Variants in NMNAT2 observed in about 807,000 individuals in gnomAD.
The protein encoded by NMNAT2 is nicotinamide nucleotide adenylyltransferase 2, also known as nicotinamide/nicotinic acid mononucleotide adenylyltransferase 2.
NMNAT2 carries 11 observed loss-of-function variants against 41.6 expected under a neutral mutation model. The ratio of observed to expected loss-of-function variants is 0.26; its 90% CI spans 0.17 to 0.44. NMNAT2 has a LOEUF of 0.44. Among genes scored for constraint, NMNAT2 ranks in the 20% least tolerant of loss-of-function variants. The pLI, the probability that NMNAT2 is intolerant of heterozygous loss-of-function variation, is 1.00. For synonymous variants in NMNAT2, 148 were observed against 151.2 expected, an observed-to-expected ratio of 0.98 and a Z score of 0.16; for missense variants, 288 against 407.7, an observed-to-expected ratio of 0.71 and a Z score of 2.53.
intron 1 of NMNAT2, among the ~76,000 whole-genome samples, chr1:183,343,349 G>A (rs1033578417): frequency 2.2e-4 from 34 of 152,148 alleles, no homozygotes; most frequent in Admixed American, 2.2e-3. Context: ...CAACCACAAT[G>A]TTCTCCTCAT....
chr1:183,341,869 G>C (rs150004688), intron 1 of NMNAT2, among the ~76,000 whole-genome samples: 1 of 151,962 alleles, frequency 6.6e-6, no homozygotes, highest in Non-Finnish European at 1.5e-5. Flanking sequence ...TATCAAAGTA[G>C]TTATACTACC....
At chr1:183,305,914 G>T (rs1237171713) in intron 1 of NMNAT2, among the ~76,000 whole-genome samples, 1 of 152,058 alleles carries the variant, frequency 6.6e-6, no homozygotes. Flanking sequence ...TAGAGATGGG[G>T]TTTCACCATG....
intron 1 of NMNAT2, among the ~76,000 whole-genome samples, chr1:183,323,172 T>C (rs1376120454): frequency 1.3e-5 from 2 of 152,172 alleles, no homozygotes; most frequent in African/African-American, 4.8e-5. Flanking sequence ...CCTCAGGTGA[T>C]CCACCCGCCT....
rs928809447 is a variant in NMNAT2 at position 183,250,580 on chromosome 1, A to G, written c.*2061T>C. The G allele has an allele frequency of 5.9e-5, 9 of 152,580 alleles. No homozygotes were observed. Among genetic ancestry groups the G allele is most frequent in the African/African-American group, 1.9e-4 (8 of 41,430 alleles). The allele number at this position is 152,580 out of a possible 1,614,324, so 9.5% of individuals were successfully genotyped here. On this transcript the variant is annotated 3_prime_UTR_variant, in exon 11 of 11. Coordinates refer to ENST00000287713, the MANE Select transcript of NMNAT2 (RefSeq NM_015039.4). The stretch of plus-strand genomic sequence containing the variant: ...AAACAATATGTTCTTGTCAGGCCCT[A>G]CACCTGCTGGCTGACCTGGACCAGC...
intron 1 of NMNAT2, among the ~76,000 whole-genome samples, chr1:183,295,138 A>C (rs946870619): frequency 5.9e-5 from 9 of 151,956 alleles, no homozygotes; most frequent in Admixed American, 3.3e-4. Flanking sequence ...CAAGTAGCTG[A>C]GATTACAGGC....
intron 1 of NMNAT2, among the ~76,000 whole-genome samples, chr1:183,412,466 A>C (rs1263313288): frequency 6.6e-6 from 1 of 152,138 alleles, no homozygotes; most frequent in Non-Finnish European, 1.5e-5. Context: ...CTCATGACCC[A>C]CCTGCCTTGG....
At chr1:183,396,030 G>T (rs1414364775) in intron 1 of NMNAT2, among the ~76,000 whole-genome samples, 2 of 152,086 alleles carry the variant, frequency 1.3e-5, no homozygotes, top group African/African-American at 2.4e-5. Flanking sequence ...TTGTCCATGG[G>T]TCTCTTTGGT....
chr1:183,380,659 G>T (rs1339607617), intron 1 of NMNAT2, among the ~76,000 whole-genome samples: 2 of 152,140 alleles, frequency 1.3e-5, no homozygotes, highest in African/African-American at 4.8e-5. Context: ...ATTTTAAAAA[G>T]TAATATCTCT....
intron 1 of NMNAT2, among the ~76,000 whole-genome samples, chr1:183,394,105 A>C (rs1648564089): frequency 6.6e-6 from 1 of 152,230 alleles, no homozygotes; most frequent in Admixed American, 6.5e-5. Context: ...GCTATGTTTG[A>C]GATGCCCACT....
chr1:183,289,976 T>G (rs1571576542), intron 4 of NMNAT2, 152 bp downstream of exon 4: 6 of 599,744 alleles, frequency 1.0e-5, no homozygotes. Context: ...CACAGGCTGG[T>G]CTCTCTCACA....
chr1:183,417,653 C>T lies in NMNAT2; in HGVS notation c.85+530G>A, dbSNP rs74129795. 9.6e-3 allele frequency among the ~76,000 whole-genome samples: 1,460 copies of T among 152,348 alleles called. 26 individuals are homozygous for T. The highest frequency in any genetic ancestry group is 0.034 in the African/African-American group (1,395 of 41,572). On this transcript the variant is annotated intron_variant, in intron 1 of 10. Coordinates refer to ENST00000287713, the MANE Select transcript of NMNAT2 (RefSeq NM_015039.4). ...TCCCTGGGCCGCCCAGAATCACCAG[C>T]CAAATCCGAAATTAATCTTGAAGCC...
chr1:183,356,291 C>T (rs1343085985), intron 1 of NMNAT2, among the ~76,000 whole-genome samples: 3 of 152,162 alleles, frequency 2.0e-5, no homozygotes, highest in Non-Finnish European at 1.5e-5. Context: ...CGTTCATAAC[C>T]CTTATACTAT....
chr1:183,256,862 C>T (rs1571553826), intron 10 of NMNAT2, among the ~76,000 whole-genome samples: 2 of 152,198 alleles, frequency 1.3e-5, no homozygotes, highest in South Asian at 2.1e-4. Context: ...AGTGATTCTT[C>T]TGCCTCAGCC....
chr1:183,292,779 G>T lies in NMNAT2; in HGVS notation c.242+11C>A. ...GGGCCACTGCCTCTGGCATCTTCAG[G>T]CCAGTCCTACCTGATCCAATCAGAA... On this transcript the variant is annotated intron_variant, in intron 3 of 10. Coordinates refer to ENST00000287713, the MANE Select transcript of NMNAT2 (RefSeq NM_015039.4). 1 of 1,613,044 alleles carries T rather than the reference G, an allele frequency of 6.2e-7. No homozygotes were observed. The highest frequency in any genetic ancestry group is 1.1e-5 in the South Asian group (1 of 90,846).
At chr1:183,327,036 A>ATGTG (rs1245100876) in intron 1 of NMNAT2, among the ~76,000 whole-genome samples, 2 of 128,750 alleles carry the variant, frequency 1.6e-5, no homozygotes, top group African/African-American at 2.6e-5. Context: ...TTATGTATGT[A>ATGTG]TGTATGTATG....
intron 1 of NMNAT2, among the ~76,000 whole-genome samples, chr1:183,416,084 G>T (rs762767660): frequency 9.9e-5 from 15 of 152,168 alleles, no homozygotes; most frequent in Non-Finnish European, 1.6e-4. Context: ...TGCAACTCAG[G>T]TCTATTTCCA....
In NMNAT2 at chr1:183,352,040, T is replaced by C. The variant is rs148810760; in HGVS notation, c.86-58247A>G. The stretch of plus-strand genomic sequence containing the variant: ...CCAAGGGAACAGACATATCAATACT[T>C]ATTTTCCCAGGGCTCTCCTGGGAAG... On this transcript the variant is annotated intron_variant, in intron 1 of 10. Transcript: ENST00000287713. 9.2e-5 allele frequency among the ~76,000 whole-genome samples: 14 copies of C among 152,180 alleles called. No individual in the cohort carries two copies. In the East Asian group the frequency reaches 2.7e-3, roughly 29 times the overall value.
chr1:183,369,732 A>G (rs909719729), intron 1 of NMNAT2, among the ~76,000 whole-genome samples: 1 of 151,986 alleles, frequency 6.6e-6, no homozygotes, highest in Admixed American at 6.6e-5. Context: ...TCTCAAACTG[A>G]AACTCTGTAC....
chr1:183,352,723 T>TA (rs1663091250), intron 1 of NMNAT2, among the ~76,000 whole-genome samples: 1 of 152,166 alleles, frequency 6.6e-6, no homozygotes, highest in African/African-American at 2.4e-5. Flanking sequence ...CTGGCATCTG[T>TA]AAAACTAATA....
Sources: gnomAD v4.1 joint callset for allele counts (sites outside exome capture counted in the v4.1 genomes callset) on GRCh38, gnomAD v4.1.1 for gene constraint, MANE v1.5 for transcripts, NCBI Gene and HGNC (gene_info 2026-07-23, HGNC 2026-07-21) for gene names.